RBFOX2: variants seen among roughly 807,000 people sequenced by gnomAD.
RBFOX2 encodes the protein RNA binding protein fox-1 homolog 2.
Under a neutral mutation model 49.1 loss-of-function variants are expected in RBFOX2, and 10 were observed. The ratio of observed to expected loss-of-function variants is 0.20; its 90% CI spans 0.13 to 0.35. The LOEUF is 0.35. Ranked by LOEUF, RBFOX2 falls within the 10% of genes least tolerant of loss-of-function variation. The pLI, the probability that RBFOX2 is intolerant of heterozygous loss-of-function variation, is 1.00. For missense variants in RBFOX2, 323 were observed against 486.9 expected (o/e 0.66, Z 3.17); for synonymous variants, 183 against 187.4 (o/e 0.98, Z 0.19).
chr22:35,957,525 T>C (rs1243679284), intron 1 of RBFOX2, among the ~76,000 whole-genome samples: 1 of 152,234 alleles, frequency 6.6e-6, no homozygotes, highest in African/African-American at 2.4e-5. Context: ...TTTAAATGTC[T>C]TTCTCAAGGT....
At chr22:36,005,578 A>G (rs531826209) in intron 1 of RBFOX2, among the ~76,000 whole-genome samples, 3 of 152,358 alleles carry the variant, frequency 2.0e-5, no homozygotes, top group South Asian at 4.1e-4. Flanking sequence ...AGGCAATTGT[A>G]TAACAGCTTC....
At chr22:35,957,821 TAACA>T (rs1470106178) in intron 1 of RBFOX2, among the ~76,000 whole-genome samples, 6 of 152,302 alleles carry the variant, frequency 3.9e-5, no homozygotes, top group South Asian at 4.1e-4. Flanking sequence ...AATAACAGAC[TAACA>T]GACACAATTA....
At chr22:35,755,566 T>C (rs1381969623) in intron 9 of RBFOX2, among the ~76,000 whole-genome samples, 1 of 152,190 alleles carries the variant, frequency 6.6e-6, no homozygotes, top group Non-Finnish European at 1.5e-5. Flanking sequence ...GTTCCTTATT[T>C]GGCTATCACA....
chr22:35,898,393 A>C lies in RBFOX2; in HGVS notation c.-34+40454T>G, dbSNP rs559712327. The C allele has an allele frequency of 1.6e-4, 86 of 525,174 alleles. 1 individual carries two copies. The South Asian group carries it at 1.7e-3, about 10-fold the overall frequency. The allele number at this position is 525,174 out of a possible 1,614,324, so 32.5% of individuals were successfully genotyped here. A position where few individuals can be genotyped will look rare whatever the true frequency, so the allele number is the denominator to read the frequency against. Reference sequence around the variant, plus strand: ...GGGCCCAGACAACCCGGGATTGTGCAGCGGCCGCCATCTTCTCCCACAATC... The same window carrying C: ...GGGCCCAGACAACCCGGGATTGTGCCGCGGCCGCCATCTTCTCCCACAATC... On this transcript the variant is annotated intron_variant, in intron 1 of 13. Coordinates refer to the RBFOX2 transcript ENST00000359369.
chr22:35,877,236 A>G (rs2045247324), intron 1 of RBFOX2, among the ~76,000 whole-genome samples: 1 of 152,204 alleles, frequency 6.6e-6, no homozygotes, highest in Non-Finnish European at 1.5e-5. Flanking sequence ...CAGAATAGGG[A>G]AGCAAAAAGT....
chr22:35,814,642 T>C (rs9622290), intron 1 of RBFOX2, among the ~76,000 whole-genome samples: 6,338 of 134,038 alleles, frequency 0.047, 469 homozygotes, highest in African/African-American at 0.17. Context: ...GCTTGGGAGA[T>C]AGAGGCTGTG....
At chr22:35,802,058 T>C (rs940014324) in intron 2 of RBFOX2, among the ~76,000 whole-genome samples, 1 of 152,146 alleles carries the variant, frequency 6.6e-6, no homozygotes, top group African/African-American at 2.4e-5. Flanking sequence ...CTCAAATTGG[T>C]TGACATACAA....
At chr22:35,777,879 T>C (rs1944314755) in intron 4 of RBFOX2, 146 bp downstream of exon 5, 1 of 798,550 alleles carries the variant, frequency 1.3e-6, no homozygotes, top group Admixed American at 3.1e-5. Flanking sequence ...GTAGCTTATT[T>C]TTAGAGATAA....
chr22:35,930,061 G>C (rs1033733493), intron 1 of RBFOX2, among the ~76,000 whole-genome samples: 1 of 131,410 alleles, frequency 7.6e-6, no homozygotes, highest in Non-Finnish European at 1.5e-5. Flanking sequence ...TCACTCTGTC[G>C]CCCAGGCTCG....
At chr22:35,772,362 C>T (rs1942909138) in intron 4 of RBFOX2, among the ~76,000 whole-genome samples, 1 of 152,048 alleles carries the variant, frequency 6.6e-6, no homozygotes, top group South Asian at 2.1e-4. Flanking sequence ...TTAATTTTAA[C>T]AATGTATTTT....
intron 1 of RBFOX2, among the ~76,000 whole-genome samples, chr22:35,956,420 G>T (rs2055563730): frequency 6.6e-6 from 1 of 151,724 alleles, no homozygotes; most frequent in Admixed American, 6.6e-5. Context: ...GGAGTGCAAT[G>T]GTACAATCTC....
intron 1 of RBFOX2, among the ~76,000 whole-genome samples, chr22:36,020,230 C>T (rs1364325685): frequency 6.6e-6 from 1 of 152,164 alleles, no homozygotes; most frequent in Non-Finnish European, 1.5e-5. Flanking sequence ...TTCCTTACAC[C>T]TTATACAAAA....
At chr22:35,754,583 T>C (rs1195246302) in intron 9 of RBFOX2, among the ~76,000 whole-genome samples, 1 of 152,188 alleles carries the variant, frequency 6.6e-6, no homozygotes. Flanking sequence ...TGGACACTAA[T>C]GTATATGGGA....
intron 2 of RBFOX2, among the ~76,000 whole-genome samples, chr22:35,783,808 A>G (rs1945771552): frequency 6.6e-6 from 1 of 151,994 alleles, no homozygotes; most frequent in African/African-American, 2.4e-5. Context: ...GCCCCACACT[A>G]CTCTAAAAAT....
At chr22:35,904,971 G>A (rs766591230) in intron 1 of RBFOX2, among the ~76,000 whole-genome samples, 2 of 152,180 alleles carry the variant, frequency 1.3e-5, no homozygotes, top group East Asian at 1.9e-4. Context: ...TCACAGAAAG[G>A]TCTATTAGAC....
chr22:35,961,544 C>T, intron 1 of RBFOX2: 1 of 1,304,070 alleles, frequency 7.7e-7, no homozygotes, highest in Non-Finnish European at 1.0e-6. Context: ...ACCCCCCACA[C>T]ACCCAACTCC....
chr22:35,843,756 C>A (rs1473103960), upstream of RBFOX2, among the ~76,000 whole-genome samples: 1 of 152,198 alleles, frequency 6.6e-6, no homozygotes, highest in Non-Finnish European at 1.5e-5. Flanking sequence ...ATCCTCAGAT[C>A]TCTTTTTACT....
chr22:35,836,092 G>C (rs556157334), intron 1 of RBFOX2, among the ~76,000 whole-genome samples: 1 of 152,072 alleles, frequency 6.6e-6, no homozygotes, highest in African/African-American at 2.4e-5. Flanking sequence ...GTGGATGAAG[G>C]GTGGGATAAG....
intron 1 of RBFOX2, among the ~76,000 whole-genome samples, chr22:35,954,718 G>A (rs1298502569): frequency 6.6e-6 from 1 of 152,162 alleles, no homozygotes; most frequent in Non-Finnish European, 1.5e-5. Flanking sequence ...ACGTTTATGT[G>A]TCTGCAACTT....
Sources: gnomAD v4.1 joint callset for allele counts (sites outside exome capture counted in the v4.1 genomes callset) on GRCh38, gnomAD v4.1.1 for gene constraint, MANE v1.5 for transcripts, NCBI Gene and HGNC (gene_info 2026-07-23, HGNC 2026-07-21) for gene names.